Variants in PARD3B observed in about 807,000 individuals in gnomAD.
PARD3B encodes par-3 family cell polarity regulator beta.
PARD3B carries 103 observed loss-of-function variants against 130.2 expected under a neutral mutation model. The observed-to-expected ratio is 0.79, with a 90% confidence interval of 0.67 to 0.93. The LOEUF (loss-of-function observed/expected upper bound fraction) is 0.93, where lower values mean the gene tolerates loss of function less well. Ranked by LOEUF, PARD3B falls within the 40% of genes least tolerant of loss-of-function variation. The pLI is 0.00. For missense variants in PARD3B, 1,609 were observed against 1,499.2 expected, an observed-to-expected ratio of 1.07 and a Z score of -1.21; for synonymous variants, 583 against 553.2, an observed-to-expected ratio of 1.05 and a Z score of -0.76.
At chr2:205,566,083 C>T (rs1010116273) in intron 22 of PARD3B, among the ~76,000 whole-genome samples, 7 of 152,030 alleles carry the variant, frequency 4.6e-5, no homozygotes, top group South Asian at 2.1e-4. Flanking sequence ...TAGGAGAACA[C>T]GTAATGAACA....
At chr2:205,354,479 A>ATT (rs1553683370) in intron 18 of PARD3B, among the ~76,000 whole-genome samples, 1 of 151,266 alleles carries the variant, frequency 6.6e-6, no homozygotes, top group Admixed American at 6.6e-5. Context: ...GAAAAAAAGT[A>ATT]AAAAATTAAA....
chr2:205,563,074 A>T lies in PARD3B; in HGVS notation c.3260+9671A>T, dbSNP rs1263188526. On this transcript the variant is annotated intron_variant, in intron 22 of 22. Coordinates refer to ENST00000406610, the MANE Select transcript of PARD3B (RefSeq NM_001302769.2). This position sits in a 1 kb window ranked among gnomAD's most constrained non-coding sequence, Gnocchi z 4.2. ...ACATAACCATCTTGGATAAAAAGTT[A>T]GTGCCTCACCAAATGCATGAATACA... Among the ~76,000 whole-genome samples the T allele has an allele frequency of 6.6e-6, 1 of 152,238 alleles. No homozygotes were observed. The highest frequency in any genetic ancestry group is 1.5e-5 in the Non-Finnish European group (1 of 68,036).
At chr2:205,084,067 C>T (rs375377361) in intron 4 of PARD3B, among the ~76,000 whole-genome samples, 9 of 152,146 alleles carry the variant, frequency 5.9e-5, no homozygotes, top group South Asian at 2.1e-4. Flanking sequence ...CCTAATACTT[C>T]GTCCATATTA....
At chr2:204,602,221 T>C (rs191177931) in intron 1 of PARD3B, among the ~76,000 whole-genome samples, 1 of 152,172 alleles carries the variant, frequency 6.6e-6, no homozygotes, top group East Asian at 1.9e-4. Flanking sequence ...GTGCAAACAC[T>C]TTGTTGATCT....
At chr2:204,905,617 C>G (rs978492976) in intron 2 of PARD3B, among the ~76,000 whole-genome samples, 1 of 152,054 alleles carries the variant, frequency 6.6e-6, no homozygotes, top group Admixed American at 6.5e-5. Context: ...GTTTTTCCCT[C>G]TGGAATGACC....
rs1051964177 is a variant in PARD3B, at chr2:204,590,265, A to C, written c.120+44146A>C. Among the ~76,000 whole-genome samples, 4 of 152,118 alleles carry C rather than the reference A, an allele frequency of 2.6e-5. No homozygotes were observed. The East Asian group carries it at 7.7e-4, about 29-fold the overall frequency. ...TCTCTTTTATAAGGGCACTAATTCC[A>C]TTATGAGGGCCCCATCCTTATGACT... On this transcript the variant is annotated intron_variant, in intron 1 of 22. Transcript: ENST00000406610.
At chr2:205,169,960 C>T (rs1409356820) in intron 11 of PARD3B, among the ~76,000 whole-genome samples, 3 of 127,774 alleles carry the variant, frequency 2.3e-5, no homozygotes, top group Admixed American at 8.7e-5. Flanking sequence ...GATGGAGTTT[C>T]GCTATTGTTG....
At chr2:204,852,727 G>A (rs1056254572) in intron 2 of PARD3B, among the ~76,000 whole-genome samples, 17 of 152,092 alleles carry the variant, frequency 1.1e-4, no homozygotes. Context: ...TATAAAAGCT[G>A]TTCTAATTAT....
At chr2:205,004,961 A>G (rs1295619636) in intron 3 of PARD3B, among the ~76,000 whole-genome samples, 2 of 152,166 alleles carry the variant, frequency 1.3e-5, no homozygotes, top group African/African-American at 2.4e-5. Flanking sequence ...GAGAATTAGT[A>G]GGAGAGTCAG....
At chr2:205,215,642 A>C (rs911421698) in intron 15 of PARD3B, among the ~76,000 whole-genome samples, 15 of 152,250 alleles carry the variant, frequency 9.9e-5, no homozygotes, top group African/African-American at 3.6e-4. Flanking sequence ...AAATGCTGAA[A>C]TATATATGTT....
intron 20 of PARD3B, among the ~76,000 whole-genome samples, chr2:205,452,287 T>G (rs2048128454): frequency 6.6e-6 from 1 of 152,342 alleles, no homozygotes; most frequent in Non-Finnish European, 1.5e-5. Flanking sequence ...TTCTCTCTAG[T>G]GAGTTTTCCA....
intron 11 of PARD3B, among the ~76,000 whole-genome samples, chr2:205,171,833 G>A (rs957026809): frequency 5.9e-5 from 9 of 152,160 alleles, no homozygotes; most frequent in African/African-American, 2.2e-4. Flanking sequence ...CAAGAGTTGT[G>A]ACTACCTCCT....
intron 18 of PARD3B, among the ~76,000 whole-genome samples, chr2:205,387,116 C>A (rs571327284): frequency 6.6e-6 from 1 of 152,204 alleles, no homozygotes. Context: ...AATACATAGA[C>A]CATAGTTCTA....
At chr2:205,150,447 T>C (rs1443834819) in intron 10 of PARD3B, among the ~76,000 whole-genome samples, 1 of 152,112 alleles carries the variant, frequency 6.6e-6, no homozygotes, top group Non-Finnish European at 1.5e-5. Flanking sequence ...TTGAGTTTAA[T>C]TTTGAGAGTT....
At chr2:204,852,335 A>G (rs897893247) in intron 2 of PARD3B, among the ~76,000 whole-genome samples, 4 of 152,120 alleles carry the variant, frequency 2.6e-5, no homozygotes, top group African/African-American at 9.7e-5. Flanking sequence ...GTATGTATAT[A>G]TGTATATAGG....
At chr2:204,700,458 A>C (rs1474883460) in intron 2 of PARD3B, among the ~76,000 whole-genome samples, 1 of 152,106 alleles carries the variant, frequency 6.6e-6, no homozygotes, top group Non-Finnish European at 1.5e-5. Flanking sequence ...GATTTTTAAA[A>C]ATTTGATAGT....
chr2:205,205,134 G>A (rs2037213125), intron 15 of PARD3B, among the ~76,000 whole-genome samples: 1 of 152,098 alleles, frequency 6.6e-6, no homozygotes, highest in African/African-American at 2.4e-5. Context: ...TTGAGCAGTG[G>A]TTTGTAGTTC....
At chr2:204,915,975 T>G (rs1350630376) in intron 2 of PARD3B, among the ~76,000 whole-genome samples, 1 of 152,196 alleles carries the variant, frequency 6.6e-6, no homozygotes, top group East Asian at 1.9e-4. Context: ...CCTTGATAAG[T>G]CTGTACAGTT....
intron 2 of PARD3B, among the ~76,000 whole-genome samples, chr2:204,701,856 G>T (rs2037910555): frequency 6.6e-6 from 1 of 151,940 alleles, no homozygotes; most frequent in African/African-American, 2.4e-5. Context: ...ACTGAGCAAG[G>T]TACCCAAGAG....
Sources: allele counts gnomAD v4.1 joint callset (sites outside exome capture counted in the v4.1 genomes callset), GRCh38; gene constraint gnomAD v4.1.1; non-coding constraint Gnocchi (gnomAD v3.1); transcripts MANE v1.5; gene names NCBI Gene and HGNC (gene_info 2026-07-23, HGNC 2026-07-21).